Variants in PCDH17 observed in about 807,000 individuals in gnomAD.
PCDH17 encodes protocadherin 17, also known as protocadherin-17.
Under a neutral mutation model 67.7 loss-of-function variants are expected in PCDH17, and 21 were observed. The ratio of observed to expected loss-of-function variants is 0.31; its 90% CI spans 0.22 to 0.45. The LOEUF is 0.45. PCDH17 is among the 20% of genes least tolerant of loss of function. The pLI is 1.00. For missense variants in PCDH17, 1,471 were observed against 1,564.8 expected, an observed-to-expected ratio of 0.94 and a Z score of 1.01; for synonymous variants, 701 against 656.7, an observed-to-expected ratio of 1.07 and a Z score of -1.03.
chr13:57,722,360 G>T (rs1955878270), intron 3 of PCDH17, among the ~76,000 whole-genome samples: 4 of 152,058 alleles, frequency 2.6e-5, no homozygotes, highest in African/African-American at 9.7e-5. Flanking sequence ...AGTTATAAAT[G>T]AATTTTTTAA....
At chr13:57,689,322 T>C (rs1329057613) in intron 3 of PCDH17, among the ~76,000 whole-genome samples, 1 of 151,930 alleles carries the variant, frequency 6.6e-6, no homozygotes, top group East Asian at 1.9e-4. Flanking sequence ...ATTTCCTACT[T>C]GTCTGGCATA....
chr13:57,720,479 T>TATTTTATTTACAATAATAAAATATTGTC (rs1351753580), intron 3 of PCDH17, among the ~76,000 whole-genome samples: 1 of 151,994 alleles, frequency 6.6e-6, no homozygotes, highest in Non-Finnish European at 1.5e-5. Context: ...AAAATATTGT[T>TATTTTATTTACAATAATAAAATATTGTC]ATTTTATTTA....
intron 3 of PCDH17, among the ~76,000 whole-genome samples, chr13:57,699,730 A>C (rs999464916): frequency 1.3e-5 from 2 of 152,014 alleles, no homozygotes; most frequent in African/African-American, 4.8e-5. Flanking sequence ...TTTCTCTCAA[A>C]AATGATAAAG....
At chr13:57,687,809 C>T (rs931165707) in intron 3 of PCDH17, among the ~76,000 whole-genome samples, 2 of 152,000 alleles carry the variant, frequency 1.3e-5, no homozygotes, top group Admixed American at 1.3e-4. Context: ...AATGATGTGT[C>T]CTCTTGTTCC....
At chr13:57,669,198 GA>G (rs1353453787) in intron 3 of PCDH17, among the ~76,000 whole-genome samples, 1 of 152,016 alleles carries the variant, frequency 6.6e-6, no homozygotes, top group East Asian at 1.9e-4. Context: ...CTGATTGATT[GA>G]TCCATTGATT....
At position 57,633,769 on chromosome 13, in the gene PCDH17, G is replaced by T. The variant is rs747877494; in HGVS notation, c.1223G>T (p.Gly408Val). ...GGCGGGGGCCTGGGCGGGCCCGGGG[G>T]TTCCGTCCCCTTCAAGCTTGAGGAG... ...GGGGGLGGPG[G>V]SVPFKLEENY... The change falls in exon 1 of 4, where the codon GGT becomes GTT. Residue 408 changes from glycine (G) to valine (V), a missense_variant. Transcript: ENST00000377918. This position sits in a 1 kb window ranked among gnomAD's most constrained non-coding sequence, Gnocchi z 6.2. 1.3e-6 allele frequency: 2 copies of T among 1,595,358 alleles called. No individual in the cohort carries two copies. The highest frequency in any genetic ancestry group is 1.7e-5 in the Admixed American group (1 of 58,634).
At chr13:57,644,030 T>G (rs989167053) in intron 1 of PCDH17, among the ~76,000 whole-genome samples, 3 of 151,738 alleles carry the variant, frequency 2.0e-5, no homozygotes, top group Non-Finnish European at 4.4e-5. Flanking sequence ...TACAGGATTA[T>G]TAAAAGCAGA....
At chr13:57,701,069 A>G (rs1566240829) in intron 3 of PCDH17, among the ~76,000 whole-genome samples, 1 of 152,152 alleles carries the variant, frequency 6.6e-6, no homozygotes, top group Non-Finnish European at 1.5e-5. Flanking sequence ...TTGAGTATCA[A>G]TAAGCAATGT....
At chr13:57,671,209 A>G (rs1955316919) in intron 3 of PCDH17, among the ~76,000 whole-genome samples, 1 of 151,932 alleles carries the variant, frequency 6.6e-6, no homozygotes, top group Non-Finnish European at 1.5e-5. Flanking sequence ...GTACCATAAT[A>G]GGATATTACT....
intron 3 of PCDH17, among the ~76,000 whole-genome samples, chr13:57,686,446 T>C (rs1955508864): frequency 6.6e-6 from 1 of 151,930 alleles, no homozygotes; most frequent in Admixed American, 6.6e-5. Context: ...TAGGAAAGCT[T>C]TTGCAATGAC....
At chr13:57,664,001 C>T (rs1235196446) in intron 1 of PCDH17, among the ~76,000 whole-genome samples, 4 of 151,994 alleles carry the variant, frequency 2.6e-5, no homozygotes, top group African/African-American at 9.7e-5. Flanking sequence ...ACATCCTGGG[C>T]TCAAGTGATT....
intron 1 of PCDH17, among the ~76,000 whole-genome samples, chr13:57,650,650 A>G (rs545562143): frequency 6.6e-6 from 1 of 152,260 alleles, no homozygotes; most frequent in South Asian, 2.1e-4. Flanking sequence ...ATTTTTCCCA[A>G]TTTTAAGAAA....
Position 57,634,058 on chromosome 13 carries a change from C to G in PCDH17, c.1512C>G (p.Asn504Lys). Residue 504 changes from asparagine to lysine, a missense_variant, in exon 1 of 4, where the codon AAC becomes AAG. Asn to Lys is a moderately conservative substitution (Grantham distance 94). Coordinates refer to ENST00000377918, the MANE Select transcript of PCDH17 (RefSeq NM_001040429.3). This position sits in a 1 kb window ranked among gnomAD's most constrained non-coding sequence, Gnocchi z 7.8. ...CCCAGGATCCCGACCTGGGCCAGAA[C>G]GGCACCGTATCCTACTCTATCCTGC... ...VLAQDPDLGQNGTVSYSILPS... is the reference protein window; with the variant it reads ...VLAQDPDLGQKGTVSYSILPS... 1 of 1,613,416 alleles carries G rather than the reference C, an allele frequency of 6.2e-7. No individual in the cohort carries two copies. The highest frequency in any genetic ancestry group is 8.5e-7 in the Non-Finnish European group (1 of 1,180,038).
chr13:57,667,165 T>C (rs1345805303), intron 3 of PCDH17, among the ~76,000 whole-genome samples: 2 of 152,208 alleles, frequency 1.3e-5, no homozygotes, highest in African/African-American at 2.4e-5. Context: ...TAGATATGTA[T>C]ATTTATGAAT....
Position 57,634,544 on chromosome 13 carries a change from C to T in PCDH17, c.1998C>T (p.Thr666=), listed in dbSNP as rs201266461. 1 of 1,612,928 alleles carries T rather than the reference C, an allele frequency of 6.2e-7. No individual in the cohort carries two copies. Among genetic ancestry groups the T allele is most frequent in the Non-Finnish European group, 8.5e-7 (1 of 1,179,984 alleles). The part of the protein sequence containing the change: ...TPVVELVVKV[T]DHGKPTLSAV... Reference sequence around the variant, plus strand: ...TGGTGGAGCTGGTGGTGAAGGTGACCGACCACGGCAAGCCTACCCTGTCCG... The same window carrying T: ...TGGTGGAGCTGGTGGTGAAGGTGACTGACCACGGCAAGCCTACCCTGTCCG... The change falls in exon 1 of 4, where the codon ACC becomes ACT. Residue 666 remains threonine, a synonymous_variant. Coordinates refer to ENST00000377918, the MANE Select transcript of PCDH17 (RefSeq NM_001040429.3). The surrounding 1 kb of genome is among the most constrained non-coding windows in gnomAD (Gnocchi z 7.8).
At chr13:57,640,859 C>A (rs1391474413) in intron 1 of PCDH17, among the ~76,000 whole-genome samples, 2 of 152,064 alleles carry the variant, frequency 1.3e-5, no homozygotes, top group Non-Finnish European at 2.9e-5. Flanking sequence ...TCTTGCAATA[C>A]ACTCAATAGT....
At chr13:57,704,821 T>C (rs538688775) in intron 3 of PCDH17, among the ~76,000 whole-genome samples, 32 of 152,248 alleles carry the variant, frequency 2.1e-4, no homozygotes, top group African/African-American at 7.7e-4. Flanking sequence ...TTAGGTTTAA[T>C]CACTTTGAGG....
At chr13:57,703,289 G>C (rs1196413848) in intron 3 of PCDH17, among the ~76,000 whole-genome samples, 1 of 152,096 alleles carries the variant, frequency 6.6e-6, no homozygotes. Flanking sequence ...ATTTTTTTGA[G>C]AGAGGAAAAC....
At chr13:57,669,600 C>T (rs1955296235) in intron 3 of PCDH17, among the ~76,000 whole-genome samples, 1 of 151,952 alleles carries the variant, frequency 6.6e-6, no homozygotes, top group Non-Finnish European at 1.5e-5. Flanking sequence ...GAGTTCTTAC[C>T]ACTTACCATA....
Sources: allele counts gnomAD v4.1 joint callset (sites outside exome capture counted in the v4.1 genomes callset), GRCh38; gene constraint gnomAD v4.1.1; non-coding constraint Gnocchi (gnomAD v3.1); transcripts MANE v1.5; gene names NCBI Gene and HGNC (gene_info 2026-07-23, HGNC 2026-07-21).